The following LRRC4C variants were observed in gnomAD, a reference collection of about 807,000 sequenced individuals.
LRRC4C encodes the protein leucine rich repeat containing 4C, also known as leucine-rich repeat-containing protein 4C.
A neutral mutation model predicts 33.6 loss-of-function variants in LRRC4C; 5 were observed. The ratio of observed to expected loss-of-function variants is 0.15; its 90% CI spans 0.08 to 0.31. The LOEUF (loss-of-function observed/expected upper bound fraction) is 0.31, where lower values mean the gene tolerates loss of function less well. LRRC4C is among the 10% of genes least tolerant of loss of function. The pLI is 1.00. For missense variants in LRRC4C, 560 were observed against 796.7 expected (o/e 0.70, Z 3.58); for synonymous variants, 329 against 302.0 (o/e 1.09, Z -0.93).
rs184855870 is a variant in LRRC4C, at chr11:40,645,409, G to A, written c.-270+2733C>T. On this transcript the variant is annotated intron_variant, in intron 3 of 6. Transcript: ENST00000528697. ...CTCTTGCTTTGAGATGCTGGGTCTC[G>A]GTCAGTGCAAAGCATATATTTTCCT... Among the ~76,000 whole-genome samples the A allele has an allele frequency of 3.2e-3, 487 of 152,040 alleles. 2 individuals carry two copies. The highest frequency in any genetic ancestry group is 5.3e-3 in the Non-Finnish European group (357 of 67,984).
chr11:40,968,503 ATT>A (rs1851506567), intron 1 of LRRC4C, among the ~76,000 whole-genome samples: 1 of 152,150 alleles, frequency 6.6e-6, no homozygotes, highest in African/African-American at 2.4e-5. Context: ...TTCATAGCTA[ATT>A]TGGAGAATTC....
chr11:40,937,625 G>A (rs1957964387), intron 1 of LRRC4C, among the ~76,000 whole-genome samples: 2 of 151,370 alleles, frequency 1.3e-5, no homozygotes, highest in South Asian at 4.2e-4. Flanking sequence ...GTGTGTGTGT[G>A]TGTGTGTGTG....
In LRRC4C at chr11:40,932,280, C is replaced by T. The variant is rs934771201; in HGVS notation, c.-407+1355G>A. 2.0e-5 allele frequency among the ~76,000 whole-genome samples: 3 copies of T among 151,958 alleles called. 1 individual carries two copies. In the East Asian group the frequency reaches 5.8e-4, roughly 29 times the overall value. On this transcript the variant is annotated intron_variant, in intron 2 of 6. Coordinates refer to ENST00000528697, the MANE Select transcript of LRRC4C (RefSeq NM_001258419.2). ...TATTGAGCTCCTATCATTTTAGATG[C>T]TGTGTTAGATACTGGAAATGCAATG...
At chr11:40,654,971 C>G (rs1943026831) in intron 2 of LRRC4C, among the ~76,000 whole-genome samples, 1 of 152,128 alleles carries the variant, frequency 6.6e-6, no homozygotes, top group South Asian at 2.1e-4. Flanking sequence ...CATTCTCTCT[C>G]CTGCTGCCCT....
In LRRC4C at chr11:40,293,757, CA is replaced by C. The variant is rs1944362312; in HGVS notation, c.-176+25870del. ...CTGCGTTGGGTACATTTTGGAGCCA[CA>C]AGTTGGTTCCCGTTGGCGCAGACCT... On this transcript the variant is annotated intron_variant, in intron 4 of 6. Coordinates refer to ENST00000528697, the MANE Select transcript of LRRC4C (RefSeq NM_001258419.2). The C allele has an allele frequency of 2.0e-5, 3 of 152,332 alleles. 1 individual carries two copies. The South Asian group carries it at 6.2e-4, about 32-fold the overall frequency. 9.4% of individuals were successfully genotyped at this position (152,332 alleles called of 1,614,324 possible).
chr11:40,389,919 C>A (rs1237237045), intron 3 of LRRC4C, among the ~76,000 whole-genome samples: 1 of 152,054 alleles, frequency 6.6e-6, no homozygotes, highest in Non-Finnish European at 1.5e-5. Context: ...TTCTTAGTAC[C>A]AAGAATTCCA....
chr11:40,909,834 G>T (rs948637176), intron 2 of LRRC4C, among the ~76,000 whole-genome samples: 2 of 152,050 alleles, frequency 1.3e-5, no homozygotes, highest in African/African-American at 2.4e-5. Context: ...AAATCAAAAA[G>T]GTTAATGCTT....
At chr11:41,165,561 T>C (rs114585636) in intron 1 of LRRC4C, among the ~76,000 whole-genome samples, 4 of 152,256 alleles carry the variant, frequency 2.6e-5, no homozygotes, top group African/African-American at 9.6e-5. Flanking sequence ...TCAAAAAGTT[T>C]CAATAATCTA....
intron 2 of LRRC4C, among the ~76,000 whole-genome samples, chr11:40,761,780 C>G (rs973698777): frequency 2.8e-4 from 42 of 152,214 alleles, no homozygotes; most frequent in African/African-American, 9.4e-4. Flanking sequence ...GGTGAGGCAT[C>G]AGGGAACAGT....
intron 2 of LRRC4C, among the ~76,000 whole-genome samples, chr11:40,723,759 A>G (rs1352589902): frequency 2.0e-5 from 3 of 152,176 alleles, no homozygotes; most frequent in Non-Finnish European, 2.9e-5. Context: ...CTCACATATC[A>G]ATATTAAGTG....
intron 1 of LRRC4C, among the ~76,000 whole-genome samples, chr11:41,195,277 C>A (rs962729865): frequency 1.3e-5 from 2 of 151,974 alleles, no homozygotes; most frequent in Non-Finnish European, 2.9e-5. Flanking sequence ...CAGAACTTGG[C>A]CTGATAATTT....
At chr11:41,217,178 G>A (rs1010069353) in intron 1 of LRRC4C, among the ~76,000 whole-genome samples, 6 of 152,212 alleles carry the variant, frequency 3.9e-5, no homozygotes, top group Non-Finnish European at 5.9e-5. Context: ...ACAACACCGC[G>A]TAGTTCTTCA....
intron 3 of LRRC4C, among the ~76,000 whole-genome samples, chr11:40,541,687 C>A (rs778612241): frequency 6.6e-6 from 1 of 152,102 alleles, no homozygotes; most frequent in Non-Finnish European, 1.5e-5. Context: ...TGTGCAGCTT[C>A]TTATCTCCTT....
At chr11:40,922,369 C>G (rs1181664167) in intron 2 of LRRC4C, among the ~76,000 whole-genome samples, 2 of 152,160 alleles carry the variant, frequency 1.3e-5, no homozygotes, top group Non-Finnish European at 2.9e-5. Context: ...TAAACCATAG[C>G]TATTTCCTTT....
intron 1 of LRRC4C, among the ~76,000 whole-genome samples, chr11:41,291,232 T>A (rs1949983785): frequency 6.6e-6 from 1 of 152,132 alleles, no homozygotes; most frequent in Non-Finnish European, 1.5e-5. Flanking sequence ...AAGGAGAGAA[T>A]TTAGAATGTG....
At chr11:41,069,911 AAAT>A (rs1938549309) in intron 1 of LRRC4C, among the ~76,000 whole-genome samples, 1 of 152,186 alleles carries the variant, frequency 6.6e-6, no homozygotes, top group South Asian at 2.1e-4. Flanking sequence ...AATTAGAAAA[AAAT>A]TACTTTAAAT....
intron 3 of LRRC4C, among the ~76,000 whole-genome samples, chr11:40,346,649 C>T (rs917898973): frequency 4.6e-5 from 7 of 152,072 alleles, no homozygotes; most frequent in South Asian, 2.1e-4. Flanking sequence ...CAAATCCCCA[C>T]GATACAAGTT....
chr11:41,017,791 T>G (rs1175944290), intron 1 of LRRC4C, among the ~76,000 whole-genome samples: 1 of 149,810 alleles, frequency 6.7e-6, no homozygotes, highest in Non-Finnish European at 1.5e-5. Flanking sequence ...TATTAATAAT[T>G]TGGGTATATA....
intron 2 of LRRC4C, among the ~76,000 whole-genome samples, chr11:40,690,500 G>A (rs1945174462): frequency 6.6e-6 from 1 of 152,016 alleles, no homozygotes. Flanking sequence ...AAGCTTTATA[G>A]GCGAAAAAAC....
Sources: allele counts gnomAD v4.1 joint callset (sites outside exome capture counted in the v4.1 genomes callset), GRCh38; gene constraint gnomAD v4.1.1; transcripts MANE v1.5; gene names NCBI Gene and HGNC (gene_info 2026-07-23, HGNC 2026-07-21).